BTRC: variants seen among roughly 807,000 people sequenced by gnomAD.
BTRC encodes the protein F-box/WD repeat-containing protein 1A.
BTRC carries 42 observed loss-of-function variants against 85.5 expected under a neutral mutation model. The observed-to-expected ratio is 0.49, with a 90% CI of 0.38 to 0.64. The LOEUF is 0.64. Ranked by LOEUF, BTRC falls within the 30% of genes least tolerant of loss-of-function variation. BTRC has a pLI of 0.00. For synonymous variants in BTRC, 255 were observed against 263.3 expected (o/e 0.97, Z 0.30); for missense variants, 594 against 743.5 (o/e 0.80, Z 2.34).
intron 1 of BTRC, among the ~76,000 whole-genome samples, chr10:101,385,094 A>G (rs145960104): frequency 1.3e-5 from 2 of 152,124 alleles, no homozygotes; most frequent in Non-Finnish European, 2.9e-5. Flanking sequence ...TTAGCGTGGC[A>G]TGGTGGTGCA....
intron 1 of BTRC, among the ~76,000 whole-genome samples, chr10:101,417,414 A>G (rs1228263589): frequency 6.6e-6 from 1 of 152,228 alleles, no homozygotes; most frequent in Non-Finnish European, 1.5e-5. Flanking sequence ...TCTCATGATT[A>G]GATCCAAATT....
intron 2 of BTRC, among the ~76,000 whole-genome samples, chr10:101,460,946 A>AG (rs1203349539): frequency 2.6e-5 from 4 of 152,288 alleles, no homozygotes; most frequent in Admixed American, 2.0e-4. Context: ...TCTGTCACTC[A>AG]GGCTGGAGTG....
At chr10:101,449,819 C>CTT (rs914032958) in intron 2 of BTRC, among the ~76,000 whole-genome samples, 2 of 147,450 alleles carry the variant, frequency 1.4e-5, no homozygotes, top group African/African-American at 2.5e-5. Context: ...GTGTGGATTG[C>CTT]TTTTTTTTTT....
At chr10:101,549,391 A>G (rs1338311640) in intron 13 of BTRC, among the ~76,000 whole-genome samples, 1 of 151,822 alleles carries the variant, frequency 6.6e-6, no homozygotes, top group Non-Finnish European at 1.5e-5. Flanking sequence ...TGATCACACT[A>G]CCGCATTCTA....
At chr10:101,366,782 A>ATTTTTATATT (rs1564729588) in intron 1 of BTRC, among the ~76,000 whole-genome samples, 4,759 of 81,276 alleles carry the variant, frequency 0.059, 437 homozygotes, top group Non-Finnish European at 0.085. Context: ...ATATATATAT[A>ATTTTTATATT]TATATATTTT....
intron 1 of BTRC, among the ~76,000 whole-genome samples, chr10:101,415,508 T>TGAGACAG (rs1564758206): frequency 8.7e-4 from 4 of 4,600 alleles, no homozygotes; most frequent in Non-Finnish European, 2.2e-3. Flanking sequence ...TATGTTATGT[T>TGAGACAG]ATGTTATGTT....
At position 101,389,119 on chromosome 10, in the gene BTRC, G is replaced by GTTTT. The variant is rs1188561028; in HGVS notation, c.48+34917_48+34920dup. On this transcript the variant is annotated intron_variant, in intron 1 of 14. Transcript: ENST00000370187. Reference sequence around the variant, plus strand: ...TGCATAATTGTGATTTTTTGTGTGTGTTTTTTTTTTTTTTTTTTTTTTTTT... The same window carrying GTTTT: ...TGCATAATTGTGATTTTTTGTGTGTGTTTTTTTTTTTTTTTTTTTTTTTTTTTTT... Among the ~76,000 whole-genome samples, 226 of 41,500 alleles carry GTTTT rather than the reference G, an allele frequency of 5.4e-3. 1 individual carries two copies. The highest frequency in any genetic ancestry group is 6.3e-3 in the Non-Finnish European group (160 of 25,220). The allele number at this position is 41,500 out of a possible 152,430, so 27.2% of individuals were successfully genotyped here. A position where few individuals can be genotyped will look rare whatever the true frequency, so the allele number is the denominator to read the frequency against.
chr10:101,410,801 C>G (rs1170074768), intron 1 of BTRC, among the ~76,000 whole-genome samples: 1 of 151,972 alleles, frequency 6.6e-6, no homozygotes, highest in Non-Finnish European at 1.5e-5. Flanking sequence ...TTAACACAGC[C>G]TGGAAATATT....
At position 101,387,528 on chromosome 10, in the gene BTRC, C is replaced by CTTTTTTTTTTTTTTTTTTTTTTTTTT. The variant is rs535656002; in HGVS notation, c.48+33318_48+33319insTTTTTTTTTTTTTTTTTTTTTTTTTT. ...TGTGGCTTTTTATACCTTCATGGGA[C>CTTTTTTTTTTTTTTTTTTTTTTTTTT]TTTTTTTTTTTTTTTTTTGAGATAG... On this transcript the variant is annotated intron_variant, in intron 1 of 14. Coordinates refer to ENST00000370187, the MANE Select transcript of BTRC (RefSeq NM_033637.4). Among the ~76,000 whole-genome samples, 246 of 45,062 alleles carry CTTTTTTTTTTTTTTTTTTTTTTTTTT rather than the reference C, an allele frequency of 5.5e-3. 81 individuals are homozygous for CTTTTTTTTTTTTTTTTTTTTTTTTTT. Among genetic ancestry groups the CTTTTTTTTTTTTTTTTTTTTTTTTTT allele is most frequent in the East Asian group, 0.022 (17 of 784 alleles). The allele number at this position is 45,062 out of a possible 152,430, so 29.6% of individuals were successfully genotyped here. A position where few individuals can be genotyped will look rare whatever the true frequency, so the allele number is the denominator to read the frequency against.
chr10:101,449,909 C>T, intron 2 of BTRC, among the ~76,000 whole-genome samples: 1 of 150,538 alleles, frequency 6.6e-6, no homozygotes, highest in African/African-American at 2.4e-5. Context: ...CTTTGCAAGC[C>T]TGTTTGGGAT....
intron 4 of BTRC, among the ~76,000 whole-genome samples, chr10:101,497,726 A>G (rs1457355724): frequency 2.0e-5 from 3 of 151,394 alleles, no homozygotes; most frequent in Non-Finnish European, 2.9e-5. Context: ...AACCCATAAT[A>G]AATAAACGAA....
intron 3 of BTRC, among the ~76,000 whole-genome samples, chr10:101,462,768 G>C (rs1945262847): frequency 6.6e-6 from 1 of 151,788 alleles, no homozygotes; most frequent in African/African-American, 2.4e-5. Flanking sequence ...TTGTGTTCTT[G>C]TAAAAATTAG....
intron 2 of BTRC, among the ~76,000 whole-genome samples, chr10:101,450,728 G>GC (rs1415269738): frequency 1.3e-5 from 2 of 152,044 alleles, no homozygotes; most frequent in Admixed American, 6.6e-5. Flanking sequence ...TATATTGGCT[G>GC]CCCCCCAGGA....
At chr10:101,407,464 A>T (rs1304319474) in intron 1 of BTRC, among the ~76,000 whole-genome samples, 1 of 152,092 alleles carries the variant, frequency 6.6e-6, no homozygotes, top group Admixed American at 6.5e-5. Flanking sequence ...CCCAGGCTGG[A>T]GTGAAGTGGC....
chr10:101,509,415 C>T (rs1392033566), intron 4 of BTRC, among the ~76,000 whole-genome samples: 5 of 148,814 alleles, frequency 3.4e-5, no homozygotes, highest in African/African-American at 7.4e-5. Context: ...CCACTACGCC[C>T]GGCTAATTTT....
At position 101,366,800 on chromosome 10, in the gene BTRC, A is replaced by AATATATATT. The variant is rs1564729708; in HGVS notation, c.48+12572_48+12573insATATATATT. Among the ~76,000 whole-genome samples the AATATATATT allele has an allele frequency of 5.4e-5, 5 of 91,972 alleles. 1 individual carries two copies. The highest frequency in any genetic ancestry group is 9.2e-5 in the African/African-American group (2 of 21,628). The allele number at this position is 91,972 out of a possible 152,430, so 60.3% of individuals were successfully genotyped here. ...TATATATATATATATTTTTACATTT[A>AATATATATT]TATATATATTTATATATATTAATAT... On this transcript the variant is annotated intron_variant, in intron 1 of 14. Coordinates refer to ENST00000370187, the MANE Select transcript of BTRC (RefSeq NM_033637.4).
At chr10:101,412,592 A>G (rs182254544) in intron 1 of BTRC, among the ~76,000 whole-genome samples, 136 of 152,360 alleles carry the variant, frequency 8.9e-4, no homozygotes, top group Admixed American at 3.5e-3. Flanking sequence ...TTAATGTACT[A>G]GAAGTCCTCA....
At chr10:101,431,070 CTT>C (rs748703752) in intron 2 of BTRC, among the ~76,000 whole-genome samples, 8 of 71,292 alleles carry the variant, frequency 1.1e-4, no homozygotes, top group African/African-American at 3.4e-4. Context: ...CTCAGCCTTT[CTT>C]TTTTTTTTTT....
Position 101,424,165 on chromosome 10 carries a change from C to T in BTRC, c.49-6180C>T, listed in dbSNP as rs765221268. Among the ~76,000 whole-genome samples the T allele has an allele frequency of 4.6e-5, 7 of 151,986 alleles. No homozygotes were observed. In the South Asian group the frequency reaches 1.2e-3, roughly 27 times the overall value. ...AGGAAAATCACTTGAACCTGGGAGG[C>T]GGAGGTTGCAGTGAGCCGAGATCAT... On this transcript the variant is annotated intron_variant, in intron 1 of 14. Coordinates refer to ENST00000370187, the MANE Select transcript of BTRC (RefSeq NM_033637.4).
Sources: gnomAD v4.1 joint callset for allele counts (sites outside exome capture counted in the v4.1 genomes callset) on GRCh38, gnomAD v4.1.1 for gene constraint, MANE v1.5 for transcripts, NCBI Gene and HGNC (gene_info 2026-07-23, HGNC 2026-07-21) for gene names.